Variants in FAM135B observed in about 807,000 individuals in gnomAD.
FAM135B encodes protein FAM135B.
In FAM135B, 43 loss-of-function variants were observed where a neutral mutation model predicts 127.7. The ratio of observed to expected loss-of-function variants is 0.34; its 90% CI spans 0.26 to 0.43. FAM135B has a LOEUF of 0.43. Among genes scored for constraint, FAM135B ranks in the 20% least tolerant of loss-of-function variants. The probability of loss-of-function intolerance (pLI) is 1.00; values close to 1 mark genes in which losing one functional copy is unlikely to be tolerated. For missense variants in FAM135B, 1,558 were observed against 1,725.6 expected, an observed-to-expected ratio of 0.90 and a Z score of 1.72; for synonymous variants, 670 against 665.1, an observed-to-expected ratio of 1.01 and a Z score of -0.11.
intron 3 of FAM135B, among the ~76,000 whole-genome samples, chr8:138,287,444 CT>C (rs1362263138): frequency 1.6e-5 from 2 of 128,498 alleles, no homozygotes; most frequent in African/African-American, 5.8e-5. Flanking sequence ...TTTTGGAAGT[CT>C]TTTTTTTTTT....
intron 1 of FAM135B, among the ~76,000 whole-genome samples, chr8:138,442,020 T>C (rs1835801879): frequency 6.6e-6 from 1 of 151,790 alleles, no homozygotes; most frequent in Non-Finnish European, 1.5e-5. Flanking sequence ...TTGAATATTT[T>C]GTATGTCAAG....
intron 7 of FAM135B, among the ~76,000 whole-genome samples, chr8:138,215,620 G>A (rs916007346): frequency 6.6e-6 from 1 of 152,180 alleles, no homozygotes; most frequent in East Asian, 1.9e-4. Context: ...GGCGTTATCA[G>A]AAATATTAAA....
chr8:138,277,750 T>C (rs1378784182), intron 3 of FAM135B, among the ~76,000 whole-genome samples: 2 of 152,162 alleles, frequency 1.3e-5, no homozygotes, highest in Non-Finnish European at 1.5e-5. Context: ...CCCAGAGTAG[T>C]GTGAATATTC....
rs78187170 is a variant in FAM135B, at chr8:138,325,542, C to A, written c.78-14622G>T. On this transcript the variant is annotated intron_variant, in intron 2 of 19. Transcript: ENST00000395297. ...AAGAAAATTACTGTTGGGTTGGACT[C>A]AAACTGTTGAGCCTTCAGGAAATAT... Among the ~76,000 whole-genome samples, 1,386 of 152,228 alleles carry A rather than the reference C, an allele frequency of 9.1e-3. 28 individuals are homozygous for A. The highest frequency in any genetic ancestry group is 0.032 in the African/African-American group (1,327 of 41,526).
intron 1 of FAM135B, among the ~76,000 whole-genome samples, chr8:138,378,993 A>G (rs898042994): frequency 6.6e-6 from 1 of 152,224 alleles, no homozygotes; most frequent in African/African-American, 2.4e-5. Context: ...GCTCTCAGGC[A>G]TGGAGCCTTT....
chr8:138,241,216 C>T lies in FAM135B; in HGVS notation c.669+1726G>A, dbSNP rs1323655268. On this transcript the variant is annotated intron_variant, in intron 7 of 19. Coordinates refer to ENST00000395297, the MANE Select transcript of FAM135B (RefSeq NM_015912.4). This position sits in a 1 kb window ranked among gnomAD's most constrained non-coding sequence, Gnocchi z 4.8. The stretch of plus-strand genomic sequence containing the variant: ...GTCCAATGACATGCTACAGGGCTCA[C>T]TGCTTTCCACTCGCTTTCTTACTCA... Among the ~76,000 whole-genome samples, 4 of 152,248 alleles carry T rather than the reference C, an allele frequency of 2.6e-5. No individual in the cohort carries two copies. The highest frequency in any genetic ancestry group is 6.5e-5 in the Admixed American group (1 of 15,290).
intron 3 of FAM135B, among the ~76,000 whole-genome samples, chr8:138,302,590 G>C (rs1386474296): frequency 6.6e-6 from 1 of 151,884 alleles, no homozygotes; most frequent in Non-Finnish European, 1.5e-5. Context: ...ATTTTGAGCA[G>C]ATGAAGATTT....
chr8:138,192,683 C>A (rs1340820404), intron 9 of FAM135B, among the ~76,000 whole-genome samples: 4 of 152,200 alleles, frequency 2.6e-5, no homozygotes, highest in African/African-American at 9.7e-5. Flanking sequence ...CCAATCAGCA[C>A]TCCTGACTCA....
chr8:138,200,291 C>T (rs1817006163), intron 7 of FAM135B, among the ~76,000 whole-genome samples: 1 of 152,220 alleles, frequency 6.6e-6, no homozygotes, highest in Non-Finnish European at 1.5e-5. Context: ...CCTGTCTGTG[C>T]TCACCAGGCA....
In FAM135B at chr8:138,151,210, T is replaced by C. The variant is rs749892055; in HGVS notation, c.3265A>G (p.Ser1089Gly). ...CCAGCTTACCTAAACATCCTCTCAC[T>C]GACTTCCTCATCCAACGTGCTGGAA... Reference protein sequence around the residue: ...THSSTLDEEVSERMFSFYQAK... With the variant: ...THSSTLDEEVGERMFSFYQAK... The change falls in exon 13 of 20, where the codon AGT (serine) becomes GGT (glycine). Residue 1089 changes from serine to glycine, a missense_variant. Around this residue, in one of 5 missense-constraint regions of FAM135B, gnomAD observed 923 missense variants for 865.3 expected, o/e 1.07. Coordinates refer to ENST00000395297, the MANE Select transcript of FAM135B (RefSeq NM_015912.4). 5 of 1,537,868 alleles carry C rather than the reference T, an allele frequency of 3.3e-6. No homozygotes were observed. Among genetic ancestry groups the C allele is most frequent in the Non-Finnish European group, 4.4e-6 (5 of 1,142,772 alleles).
rs377637671 is a variant in FAM135B, at chr8:138,453,267, A to G, written c.-20+43404T>C. Among the ~76,000 whole-genome samples the G allele has an allele frequency of 3.3e-5, 5 of 152,310 alleles. No individual in the cohort carries two copies. The South Asian group carries it at 1.0e-3, about 32-fold the overall frequency. On this transcript the variant is annotated intron_variant, in intron 1 of 19. Coordinates refer to ENST00000395297, the MANE Select transcript of FAM135B (RefSeq NM_015912.4). ...CCCGCATTCAGAAATCCCACTTGCG[A>G]AAAGTTCACATTACAAACAGATGCT...
chr8:138,437,800 C>T (rs918066626), intron 1 of FAM135B: 38 of 152,142 alleles, frequency 2.5e-4, no homozygotes, highest in African/African-American at 8.7e-4. Flanking sequence ...AACACACTAC[C>T]ACAAACCCAG....
rs116252478 is a variant in FAM135B at position 138,357,345 on chromosome 8, G to A, written c.77+10562C>T. ...TAATAGAATCACATGATGGAATTCT[G>A]TGTAGTTATTAATTATGTTGTAAAA... On this transcript the variant is annotated intron_variant, in intron 2 of 19. Transcript: ENST00000395297. 8.8e-3 allele frequency among the ~76,000 whole-genome samples: 1,333 copies of A among 152,192 alleles called. 25 individuals carry two copies. Among genetic ancestry groups the A allele is most frequent in the African/African-American group, 0.031 (1,278 of 41,524 alleles).
chr8:138,409,905 GATGT>G (rs1284818779), intron 1 of FAM135B, among the ~76,000 whole-genome samples: 3 of 143,600 alleles, frequency 2.1e-5, no homozygotes, highest in African/African-American at 7.7e-5. Context: ...AAAAAAAAGT[GATGT>G]ATGCAAGAAG....
intron 7 of FAM135B, among the ~76,000 whole-genome samples, chr8:138,212,458 C>T (rs763433366): frequency 5.8e-4 from 89 of 152,194 alleles, no homozygotes; most frequent in Non-Finnish European, 1.2e-3. Context: ...GAACTAAAGC[C>T]TCCTTTTCCT....
chr8:138,210,556 A>G (rs937804733), intron 7 of FAM135B, among the ~76,000 whole-genome samples: 1 of 152,154 alleles, frequency 6.6e-6, no homozygotes, highest in Non-Finnish European at 1.5e-5. Context: ...CTTTCTTCAC[A>G]TCGTGGCAGA....
chr8:138,332,022 T>A (rs1828216582), intron 2 of FAM135B, among the ~76,000 whole-genome samples: 2 of 152,206 alleles, frequency 1.3e-5, no homozygotes, highest in African/African-American at 2.4e-5. Flanking sequence ...AAGACTGAAC[T>A]ACTTATGTTA....
At chr8:138,315,800 A>T (rs938113336) in intron 2 of FAM135B, among the ~76,000 whole-genome samples, 3 of 152,216 alleles carry the variant, frequency 2.0e-5, no homozygotes, top group African/African-American at 7.2e-5. Context: ...GAACATTTTT[A>T]AAAAAGGAAG....
chr8:138,155,004 A>G (rs1234002711), intron 12 of FAM135B, among the ~76,000 whole-genome samples: 2 of 152,208 alleles, frequency 1.3e-5, no homozygotes, highest in East Asian at 1.9e-4. Flanking sequence ...CAGATTCACC[A>G]AAGTTGAAAT....
Sources: allele counts gnomAD v4.1 joint callset (sites outside exome capture counted in the v4.1 genomes callset), GRCh38; gene constraint gnomAD v4.1.1; regional missense constraint gnomAD v4.1.1; non-coding constraint Gnocchi (gnomAD v3.1); transcripts MANE v1.5; gene names NCBI Gene and HGNC (gene_info 2026-07-23, HGNC 2026-07-21).